PRKN: variants seen among roughly 807,000 people sequenced by gnomAD.
The protein encoded by PRKN is parkin RBR E3 ubiquitin protein ligase.
Under a neutral mutation model 59.5 loss-of-function variants are expected in PRKN, and 56 were observed. The ratio of observed to expected loss-of-function variants is 0.94; its 90% confidence interval spans 0.76 to 1.18. PRKN has a LOEUF of 1.18. PRKN is among the 50% of genes most tolerant of loss of function. The pLI is 0.00. For synonymous variants in PRKN, 250 were observed against 222.1 expected (o/e 1.13, Z -1.12); for missense variants, 657 against 596.4 (o/e 1.10, Z -1.06).
intron 1 of PRKN, among the ~76,000 whole-genome samples, chr6:162,607,809 T>C (rs915950106): frequency 6.6e-6 from 1 of 152,056 alleles, no homozygotes; most frequent in African/African-American, 2.4e-5. Context: ...TCATTTCCCA[T>C]GTAAAGTAGG....
chr6:162,295,815 C>A (rs1781646326), intron 2 of PRKN, among the ~76,000 whole-genome samples: 1 of 152,178 alleles, frequency 6.6e-6, no homozygotes, highest in Non-Finnish European at 1.5e-5. Flanking sequence ...GTGGCTGCCA[C>A]TGCAGTTGTC....
intron 1 of PRKN, among the ~76,000 whole-genome samples, chr6:162,691,332 G>C (rs1777766862): frequency 6.6e-6 from 1 of 151,992 alleles, no homozygotes; most frequent in Admixed American, 6.5e-5. Context: ...GTTTTAATTA[G>C]TTAAAAATAC....
chr6:161,909,932 TGGAAAACATGCCGGTGGGGGAA>T (rs1378270247), intron 6 of PRKN, among the ~76,000 whole-genome samples: 1 of 152,132 alleles, frequency 6.6e-6, no homozygotes, highest in African/African-American at 2.4e-5. Context: ...AGAACCTTCA[TGGAAAACATGCCGGTGGGGGAA>T]GGAAAACAAC....
At chr6:162,644,973 AAT>A (rs1778111711) in intron 1 of PRKN, among the ~76,000 whole-genome samples, 1 of 152,196 alleles carries the variant, frequency 6.6e-6, no homozygotes, top group Non-Finnish European at 1.5e-5. Context: ...AGAATATAGT[AAT>A]AGTCATAGTT....
chr6:161,471,055 C>G lies in PRKN; in HGVS notation c.1083+77799G>C, dbSNP rs988950314. On this transcript the variant is annotated intron_variant, in intron 9 of 11. Transcript: ENST00000366898. This position sits in a 1 kb window ranked among gnomAD's most constrained non-coding sequence, Gnocchi z 4.5. ...AGCATGTATTTTATTTAACAGCTTG[C>G]TAGTGTGATTTAGAATTTTTAAACA... is the stretch of plus-strand genomic sequence containing the variant. Among the ~76,000 whole-genome samples, 6 of 152,132 alleles carry G rather than the reference C, an allele frequency of 3.9e-5. No individual in the cohort carries two copies. Among genetic ancestry groups the G allele is most frequent in the African/African-American group, 1.4e-4 (6 of 41,432 alleles).
chr6:161,667,639 G>A (rs1178193641), intron 7 of PRKN, among the ~76,000 whole-genome samples: 2 of 152,124 alleles, frequency 1.3e-5, no homozygotes, highest in Non-Finnish European at 2.9e-5. Context: ...ATCTTCCCTA[G>A]TCCCTGATAG....
At chr6:161,707,425 CTCTT>C in intron 7 of PRKN, among the ~76,000 whole-genome samples, 1 of 152,156 alleles carries the variant, frequency 6.6e-6, no homozygotes, top group African/African-American at 2.4e-5. Context: ...AATGAAGAAT[CTCTT>C]TCTCCAATAG....
chr6:162,350,293 C>T (rs1339932050), intron 2 of PRKN, among the ~76,000 whole-genome samples: 1 of 152,122 alleles, frequency 6.6e-6, no homozygotes, highest in Non-Finnish European at 1.5e-5. Context: ...TCTATAGATT[C>T]ATTGCAATCC....
At chr6:161,692,785 A>C (rs1050567430) in intron 7 of PRKN, among the ~76,000 whole-genome samples, 1 of 150,880 alleles carries the variant, frequency 6.6e-6, no homozygotes, top group African/African-American at 2.4e-5. Context: ...AACAAAACCA[A>C]CCCCCCCACA....
intron 2 of PRKN, among the ~76,000 whole-genome samples, chr6:162,294,743 A>G (rs1322789942): frequency 6.6e-6 from 1 of 152,228 alleles, no homozygotes; most frequent in Admixed American, 6.5e-5. Flanking sequence ...AGAGTAAAAA[A>G]AAAGAGAAAT....
chr6:162,043,144 C>A (rs891237859), intron 5 of PRKN, among the ~76,000 whole-genome samples: 1 of 152,158 alleles, frequency 6.6e-6, no homozygotes, highest in Admixed American at 6.5e-5. Context: ...GAGACTTATT[C>A]ACTGTCATGA....
At position 161,499,958 on chromosome 6, in the gene PRKN, A is replaced by C. The variant is rs574076552; in HGVS notation, c.1083+48896T>G. ...AACTGAACACCAAGTTGTCTTCTGA[A>C]TGCTGCCCTCACTCTCCTCCTTCCC... On this transcript the variant is annotated intron_variant, in intron 9 of 11. Coordinates refer to ENST00000366898, the MANE Select transcript of PRKN (RefSeq NM_004562.3). This position sits in a 1 kb window ranked among gnomAD's most constrained non-coding sequence, Gnocchi z 4.2. Among the ~76,000 whole-genome samples the C allele has an allele frequency of 6.6e-6, 1 of 152,170 alleles. No individual in the cohort carries two copies. The highest frequency in any genetic ancestry group is 1.5e-5 in the Non-Finnish European group (1 of 68,038).
intron 6 of PRKN, among the ~76,000 whole-genome samples, chr6:161,963,412 C>G (rs916414956): frequency 2.6e-5 from 4 of 152,236 alleles, no homozygotes; most frequent in African/African-American, 9.6e-5. Context: ...CTGCTCACAT[C>G]TGAAGCCCAC....
At chr6:162,691,094 C>A (rs1777756217) in intron 1 of PRKN, among the ~76,000 whole-genome samples, 1 of 152,030 alleles carries the variant, frequency 6.6e-6, no homozygotes, top group African/African-American at 2.4e-5. Flanking sequence ...TTAAAGTTAA[C>A]ATATTATTTA....
chr6:162,568,647 G>C (rs1780186982), intron 1 of PRKN: 1 of 930,076 alleles, frequency 1.1e-6, no homozygotes, highest in African/African-American at 1.6e-5. Flanking sequence ...ACGGTTCCTG[G>C]AGCAGCAGAA....
rs143932381 is a variant in PRKN at position 162,258,478 on chromosome 6, C to T, written c.412+4047G>A. On this transcript the variant is annotated intron_variant, in intron 3 of 11. Coordinates refer to ENST00000366898, the MANE Select transcript of PRKN (RefSeq NM_004562.3). ...ACCAATAACACATGAAGGTAATTTACACACAGGCACCCTGGAGCCCAGGTG... is the reference window on the plus strand; with the variant it reads ...ACCAATAACACATGAAGGTAATTTATACACAGGCACCCTGGAGCCCAGGTG... Among the ~76,000 whole-genome samples, 42 of 152,304 alleles carry T rather than the reference C, an allele frequency of 2.8e-4. No homozygotes were observed. In the East Asian group the frequency reaches 3.3e-3, roughly 12 times the overall value.
At chr6:162,632,324 C>T (rs1031068464) in intron 1 of PRKN, among the ~76,000 whole-genome samples, 1 of 152,080 alleles carries the variant, frequency 6.6e-6, no homozygotes, top group Non-Finnish European at 1.5e-5. Flanking sequence ...TACTACATAG[C>T]CATAAGAAAG....
chr6:161,832,495 G>T (rs370456867), intron 6 of PRKN, among the ~76,000 whole-genome samples: 13 of 151,788 alleles, frequency 8.6e-5, no homozygotes, highest in African/African-American at 2.9e-4. Flanking sequence ...GTGGTGGCAT[G>T]TGCCTATAGT....
chr6:161,537,575 C>T (rs897754624), intron 9 of PRKN, among the ~76,000 whole-genome samples: 2 of 151,966 alleles, frequency 1.3e-5, no homozygotes, highest in African/African-American at 2.4e-5. Flanking sequence ...CCTCAGCCTC[C>T]GGAGTAGCTG....
Sources: allele counts gnomAD v4.1 joint callset (sites outside exome capture counted in the v4.1 genomes callset), GRCh38; gene constraint gnomAD v4.1.1; non-coding constraint Gnocchi (gnomAD v3.1); transcripts MANE v1.5; gene names NCBI Gene and HGNC (gene_info 2026-07-23, HGNC 2026-07-21).